The following E2F7 variants were observed in gnomAD, a reference collection of about 807,000 sequenced individuals.
The protein encoded by E2F7 is E2F transcription factor 7, also known as transcription factor E2F7.
Under a neutral mutation model 81.1 loss-of-function variants are expected in E2F7, and 35 were observed. The ratio of observed to expected loss-of-function variants is 0.43; its 90% CI spans 0.33 to 0.57. The LOEUF (loss-of-function observed/expected upper bound fraction) is 0.57. E2F7 is among the 20% of genes least tolerant of loss of function. The pLI is 0.04. For synonymous variants in E2F7, 416 were observed against 416.2 expected (o/e 1.00, Z 0.01); for missense variants, 961 against 1,093.7 (o/e 0.88, Z 1.71).
intron 10 of E2F7, among the ~76,000 whole-genome samples, chr12:77,029,243 A>G (rs578207325): frequency 6.6e-6 from 1 of 152,346 alleles, no homozygotes; most frequent in East Asian, 1.9e-4. Flanking sequence ...CAGCCTACCT[A>G]CTGCAGACCA....
chr12:77,027,736 A>G, intron 11 of E2F7, 147 bp downstream of exon 11: 1 of 1,067,692 alleles, frequency 9.4e-7, no homozygotes, highest in Non-Finnish European at 1.3e-6. Context: ...CTTCATTTAT[A>G]GATGGAGAAA....
chr12:77,039,965 G>A (rs1368200174), intron 7 of E2F7, among the ~76,000 whole-genome samples: 2 of 152,128 alleles, frequency 1.3e-5, no homozygotes, highest in East Asian at 3.9e-4. Context: ...CTGAGTGAAA[G>A]GAGCCGGACC....
At chr12:77,026,019 G>A in intron 11 of E2F7, 37 bp from the exon 12 acceptor site, 2 of 1,557,212 alleles carry the variant, frequency 1.3e-6, no homozygotes, top group Non-Finnish European at 1.7e-6. Flanking sequence ...ATCAATATAT[G>A]TCATCATGAG....
At chr12:77,054,207 T>G (rs759591789) in intron 3 of E2F7, among the ~76,000 whole-genome samples, 1 of 151,792 alleles carries the variant, frequency 6.6e-6, no homozygotes. Flanking sequence ...AACCTGCACA[T>G]GTACCCACTG....
intron 6 of E2F7, 74 bp downstream of exon 6, chr12:77,044,563 G>T: frequency 6.6e-7 from 1 of 1,520,470 alleles, no homozygotes; most frequent in Non-Finnish European, 9.0e-7. Context: ...TTTTAATCTT[G>T]GAAGCAGAAA....
At chr12:77,061,879 C>T (rs545952181) in intron 2 of E2F7, among the ~76,000 whole-genome samples, 11 of 152,358 alleles carry the variant, frequency 7.2e-5, no homozygotes, top group Admixed American at 6.5e-4. Flanking sequence ...ATCTCGTTCA[C>T]TCTTGCTTTC....
Position 77,025,927 on chromosome 12 carries a change from G to C in E2F7, c.2196C>G (p.Gly732=). 1 of 1,614,004 alleles carries C rather than the reference G, an allele frequency of 6.2e-7. No homozygotes were observed. The highest frequency in any genetic ancestry group is 8.5e-7 in the Non-Finnish European group (1 of 1,179,968). ...AAGACGGCAGCTGACCTGAGGACGGGCCCACAGTAGGGGGGGTTTGACTGC... is the reference window on the plus strand; with the variant it reads ...AAGACGGCAGCTGACCTGAGGACGGCCCCACAGTAGGGGGGGTTTGACTGC... ...LSGSQTPPTV[G]PSSGQLPSFS... is the part of the protein sequence containing the mutation. Residue 732 remains glycine (G), a synonymous_variant, in exon 12 of 13, where the codon GGC becomes GGG. Transcript: ENST00000322886.
chr12:77,057,384 T>G (rs1955041761), intron 2 of E2F7, among the ~76,000 whole-genome samples: 1 of 152,122 alleles, frequency 6.6e-6, no homozygotes, highest in African/African-American at 2.4e-5. Context: ...CCTTTTTTAA[T>G]TTTTTGTAGA....
intron 8 of E2F7, 84 bp from the exon 9 acceptor site, chr12:77,033,206 TTC>T: frequency 6.4e-6 from 8 of 1,256,982 alleles, no homozygotes; most frequent in South Asian, 4.1e-5. Flanking sequence ...TAGCTGAGAA[TTC>T]ATTATTCTCA....
chr12:77,043,618 C>T (rs913392230), intron 6 of E2F7, among the ~76,000 whole-genome samples: 2 of 152,024 alleles, frequency 1.3e-5, no homozygotes, highest in Admixed American at 6.5e-5. Flanking sequence ...GTGAAAATGA[C>T]AAAGATTCCC....
Position 77,064,617 on chromosome 12 carries a change from T to G in E2F7, c.19A>C (p.Thr7Pro). The change falls in exon 2 of 13, where the codon ACA (threonine) becomes CCA (proline). Residue 7 changes from threonine to proline, a missense_variant. Coordinates refer to ENST00000322886, the MANE Select transcript of E2F7 (RefSeq NM_203394.3). The part of the protein sequence containing the change: MEVNCL[T>P]LKDLISPRQP... The stretch of plus-strand genomic sequence containing the variant: ...CTGGGGCTGATCAGGTCTTTTAGTG[T>G]TAAACAATTTACCTCCATCTGTAAT... 6.2e-7 allele frequency: 1 copy of G among 1,613,926 alleles called. No individual in the cohort carries two copies. Among genetic ancestry groups the G allele is most frequent in the African/African-American group, 1.3e-5 (1 of 75,046 alleles).
Position 77,064,535 on chromosome 12 carries a change from T to C in E2F7, c.93+8A>G. 4.3e-6 allele frequency: 7 copies of C among 1,613,292 alleles called. No individual in the cohort carries two copies. Among genetic ancestry groups the C allele is most frequent in the Non-Finnish European group, 5.9e-6 (7 of 1,179,284 alleles). On this transcript the variant is annotated splice_region_variant and intron_variant, in intron 2 of 12. Transcript: ENST00000322886. The stretch of plus-strand genomic sequence containing the variant: ...ATATTAGAAACTAAGGTGTTTATGT[T>C]TGCTTACCTTTTGTGCATTTTCCCC...
chr12:77,037,721 A>G (rs559011495), intron 7 of E2F7, among the ~76,000 whole-genome samples: 1 of 152,302 alleles, frequency 6.6e-6, no homozygotes, highest in African/African-American at 2.4e-5. Flanking sequence ...TATAAATCCA[A>G]AAGAAAGAAA....
At chr12:77,063,379 T>G (rs2120768676) in intron 2 of E2F7, among the ~76,000 whole-genome samples, 1 of 152,252 alleles carries the variant, frequency 6.6e-6, no homozygotes, top group East Asian at 1.9e-4. Context: ...TTGTAAAGAA[T>G]GAAAGAGAAA....
At chr12:77,042,805 C>T (rs1186794763) in intron 7 of E2F7, among the ~76,000 whole-genome samples, 1 of 152,162 alleles carries the variant, frequency 6.6e-6, no homozygotes, top group African/African-American at 2.4e-5. Flanking sequence ...GAAAAAGCTT[C>T]AGAACAAAGA....
Position 77,064,561 on chromosome 12 carries a change from A to G in E2F7, c.75T>C (p.Asp25=), listed in dbSNP as rs762056817. ...RQPRLDFAVE[D]GENAQKENIF... ...TGCTTACCTTTTGTGCATTTTCCCCATCTTCAACTGCAAAATCTAGTCTGG... is the reference window on the plus strand; with the variant it reads ...TGCTTACCTTTTGTGCATTTTCCCCGTCTTCAACTGCAAAATCTAGTCTGG... Residue 25 remains aspartate, a synonymous_variant, in exon 2 of 13, where the codon GAT becomes GAC. Coordinates refer to ENST00000322886, the MANE Select transcript of E2F7 (RefSeq NM_203394.3). The G allele has an allele frequency of 5.0e-6, 8 of 1,614,006 alleles. No individual in the cohort carries two copies. The East Asian group carries it at 1.8e-4, about 36-fold the overall frequency.
intron 3 of E2F7, among the ~76,000 whole-genome samples, chr12:77,051,379 T>C (rs1428203660): frequency 6.6e-6 from 1 of 152,144 alleles, no homozygotes; most frequent in Non-Finnish European, 1.5e-5. Context: ...AGAAAAGTGA[T>C]ATAATTATTT....
intron 2 of E2F7, among the ~76,000 whole-genome samples, chr12:77,060,593 CCAAA>C (rs565200861): frequency 1.4e-3 from 206 of 148,958 alleles, no homozygotes; most frequent in African/African-American, 4.9e-3. Context: ...CACATTCTGC[CCAAA>C]CAGTCCCCCT....
chr12:77,044,057 T>C (rs1954918413), intron 6 of E2F7, among the ~76,000 whole-genome samples: 1 of 152,160 alleles, frequency 6.6e-6, no homozygotes, highest in Non-Finnish European at 1.5e-5. Flanking sequence ...TAATTTCAGC[T>C]GGAAACAAAA....
Sources: allele counts gnomAD v4.1 joint callset (sites outside exome capture counted in the v4.1 genomes callset), GRCh38; gene constraint gnomAD v4.1.1; transcripts MANE v1.5; gene names NCBI Gene and HGNC (gene_info 2026-07-23, HGNC 2026-07-21).